The following GOLM1 variants were observed in gnomAD, a reference collection of about 807,000 sequenced individuals.
The protein encoded by GOLM1 is golgi membrane protein 1, also known as epididymis luminal protein 46.
A neutral mutation model predicts 50.5 loss-of-function variants in GOLM1; 31 were observed. That is an observed-to-expected ratio of 0.61 (90% CI 0.46 to 0.83). The LOEUF (loss-of-function observed/expected upper bound fraction) is 0.83, where lower values mean the gene tolerates loss of function less well. GOLM1 is among the 40% of genes least tolerant of loss of function. GOLM1 has a pLI of 0.00. For missense variants in GOLM1, 491 were observed against 501.3 expected (o/e 0.98, Z 0.20); for synonymous variants, 178 against 192.8 (o/e 0.92, Z 0.64).
At chr9:86,061,108 C>A (rs1241706875) in intron 3 of GOLM1, among the ~76,000 whole-genome samples, 1 of 152,026 alleles carries the variant, frequency 6.6e-6, no homozygotes. Flanking sequence ...AAGCTTGGCA[C>A]TGGATGTGTG....
At chr9:86,038,167 A>T (rs1221469829) in intron 6 of GOLM1, among the ~76,000 whole-genome samples, 1 of 151,582 alleles carries the variant, frequency 6.6e-6, no homozygotes, top group African/African-American at 2.4e-5. Context: ...AAAGAAAAAA[A>T]AAAAAAAGAA....
At chr9:86,075,967 G>T (rs751791514) in intron 3 of GOLM1, among the ~76,000 whole-genome samples, 1 of 152,248 alleles carries the variant, frequency 6.6e-6, no homozygotes, top group Non-Finnish European at 1.5e-5. Flanking sequence ...AACAAAAAAA[G>T]TACTTCTTGA....
intron 3 of GOLM1, among the ~76,000 whole-genome samples, chr9:86,075,316 C>G (rs1167692716): frequency 1.3e-5 from 2 of 152,268 alleles, no homozygotes; most frequent in East Asian, 1.9e-4. Context: ...ATCACCGCTG[C>G]TGCGGTGGCT....
At chr9:86,040,164 G>GTGA (rs939725290) in intron 6 of GOLM1, among the ~76,000 whole-genome samples, 2 of 152,106 alleles carry the variant, frequency 1.3e-5, no homozygotes, top group African/African-American at 4.8e-5. Flanking sequence ...ATTGACTGTG[G>GTGA]TGATGGCTGC....
chr9:86,045,572 G>A (rs536242215), intron 5 of GOLM1, among the ~76,000 whole-genome samples: 3 of 151,742 alleles, frequency 2.0e-5, no homozygotes, highest in African/African-American at 7.3e-5. Context: ...CTACTCAGGA[G>A]GCTGAGGCAT....
At chr9:86,055,353 C>T (rs1258679874) in intron 3 of GOLM1, among the ~76,000 whole-genome samples, 4 of 152,250 alleles carry the variant, frequency 2.6e-5, no homozygotes, top group African/African-American at 4.8e-5. Flanking sequence ...ATCAGATTTA[C>T]GCAGCACCTG....
chr9:86,065,415 C>A (rs547464742), intron 3 of GOLM1, among the ~76,000 whole-genome samples: 1 of 152,158 alleles, frequency 6.6e-6, no homozygotes, highest in Non-Finnish European at 1.5e-5. Flanking sequence ...TCAATCACAG[C>A]GATTAAAGGT....
Position 86,027,703 on chromosome 9 carries a change from C to T in GOLM1, c.*114G>A, listed in dbSNP as rs1156674762. Reference sequence around the variant, plus strand: ...CATACTAAAATTTCACAATAATCATCTTCAGATGTACATTTTATTTAGTAC... The same window carrying T: ...CATACTAAAATTTCACAATAATCATTTTCAGATGTACATTTTATTTAGTAC... On this transcript the variant is annotated 3_prime_UTR_variant, in exon 10 of 10. Transcript: ENST00000388712. The T allele has an allele frequency of 2.1e-6, 3 of 1,442,914 alleles. No individual in the cohort carries two copies. Among genetic ancestry groups the T allele is most frequent in the Non-Finnish European group, 9.1e-7 (1 of 1,097,126 alleles). The allele number at this position is 1,442,914 out of a possible 1,614,324, so 89.4% of individuals were successfully genotyped here. A position where few individuals can be genotyped will look rare whatever the true frequency, so the allele number is the denominator to read the frequency against.
chr9:86,075,246 A>G (rs1371096321), intron 3 of GOLM1, among the ~76,000 whole-genome samples: 1 of 152,220 alleles, frequency 6.6e-6, no homozygotes, highest in Non-Finnish European at 1.5e-5. Context: ...AGTTTATGAT[A>G]TTTTGTTATA....
intron 6 of GOLM1, chr9:86,036,744 AG>A: frequency 1.9e-6 from 1 of 526,166 alleles, no homozygotes; most frequent in South Asian, 2.9e-5. Flanking sequence ...AAAACTGGGC[AG>A]TGATTCTGCT....
intron 1 of GOLM1, among the ~76,000 whole-genome samples, chr9:86,098,309 T>C (rs1835413738): frequency 6.6e-6 from 1 of 152,164 alleles, no homozygotes; most frequent in African/African-American, 2.4e-5. Context: ...TAGGATGCCT[T>C]TGGAGACCCA....
At chr9:86,041,975 G>A (rs968840710) in intron 5 of GOLM1, among the ~76,000 whole-genome samples, 11 of 152,166 alleles carry the variant, frequency 7.2e-5, no homozygotes, top group African/African-American at 2.7e-4. Flanking sequence ...AAATTGGCTG[G>A]GCATGGTGGC....
At chr9:86,087,439 T>C (rs538509777) in intron 1 of GOLM1, among the ~76,000 whole-genome samples, 2 of 152,282 alleles carry the variant, frequency 1.3e-5, no homozygotes, top group South Asian at 4.2e-4. Flanking sequence ...CATTTCTTTC[T>C]CTTGCTTGAT....
chr9:86,053,594 C>T (rs370022057), intron 3 of GOLM1, among the ~76,000 whole-genome samples: 1 of 15,060 alleles, frequency 6.6e-5, no homozygotes, highest in Non-Finnish European at 1.4e-4. Flanking sequence ...CACCACACCA[C>T]TCCACACACA....
chr9:86,078,324 G>A (rs1308453509), intron 2 of GOLM1, among the ~76,000 whole-genome samples: 2 of 152,228 alleles, frequency 1.3e-5, no homozygotes, highest in African/African-American at 4.8e-5. Context: ...TGCAATAGGA[G>A]AGGGAAATTG....
At chr9:86,079,092 C>G in intron 2 of GOLM1, 100 bp downstream of exon 2, 1 of 1,117,648 alleles carries the variant, frequency 8.9e-7, no homozygotes, top group East Asian at 2.6e-5. Flanking sequence ...GCACAAAACG[C>G]CCTGGCTGGC....
At chr9:86,081,161 T>C (rs1158082390) in intron 1 of GOLM1, among the ~76,000 whole-genome samples, 1 of 151,856 alleles carries the variant, frequency 6.6e-6, no homozygotes, top group African/African-American at 2.4e-5. Context: ...GTACTGGGAT[T>C]ACAGGTATGA....
intron 3 of GOLM1, among the ~76,000 whole-genome samples, chr9:86,061,068 T>C (rs924999499): frequency 6.6e-6 from 1 of 151,982 alleles, no homozygotes; most frequent in African/African-American, 2.4e-5. Context: ...GAAATAGTCA[T>C]GGTTAAAACG....
At chr9:86,056,503 A>ATT (rs1315629039) in intron 3 of GOLM1, among the ~76,000 whole-genome samples, 19 of 72,520 alleles carry the variant, frequency 2.6e-4, no homozygotes, top group African/African-American at 1.2e-3. Context: ...TTTTTATTTA[A>ATT]ATTTTTTTTT....
Sources: allele counts gnomAD v4.1 joint callset (sites outside exome capture counted in the v4.1 genomes callset), GRCh38; gene constraint gnomAD v4.1.1; transcripts MANE v1.5; gene names NCBI Gene and HGNC (gene_info 2026-07-23, HGNC 2026-07-21).